ARFGEF2: variants seen among roughly 807,000 people sequenced by gnomAD.
The protein encoded by ARFGEF2 is brefeldin A-inhibited guanine nucleotide-exchange protein 2.
Under a neutral mutation model 219.9 loss-of-function variants are expected in ARFGEF2, and 74 were observed. The ratio of observed to expected loss-of-function variants is 0.34; its 90% confidence interval spans 0.28 to 0.41. ARFGEF2 has a LOEUF of 0.41. ARFGEF2 is among the 10% of genes least tolerant of loss of function. The probability of loss-of-function intolerance (pLI) is 1.00; values close to 1 mark genes in which losing one functional copy is unlikely to be tolerated. For synonymous variants in ARFGEF2, 733 were observed against 799.2 expected, an observed-to-expected ratio of 0.92 and a Z score of 1.40; for missense variants, 1,743 against 2,218.3, an observed-to-expected ratio of 0.79 and a Z score of 4.30.
At chr20:48,957,218 C>A (rs1431008389) in intron 6 of ARFGEF2, among the ~76,000 whole-genome samples, 2 of 152,170 alleles carry the variant, frequency 1.3e-5, no homozygotes, top group African/African-American at 2.4e-5. Flanking sequence ...GAGCTTGTTG[C>A]CAACCCTGAT....
chr20:49,005,317 C>T (rs762573160), intron 26 of ARFGEF2, 96 bp downstream of exon 26: 32 of 1,467,636 alleles, frequency 2.2e-5, no homozygotes, highest in Non-Finnish European at 2.6e-5. Context: ...TTTTTTCCTC[C>T]CTTGTCAGTG....
chr20:48,939,062 C>T (rs1314813849), intron 1 of ARFGEF2, among the ~76,000 whole-genome samples: 1 of 150,424 alleles, frequency 6.6e-6, no homozygotes, highest in Non-Finnish European at 1.5e-5. Flanking sequence ...GCAATTACTG[C>T]TTCCCGGGTT....
chr20:48,995,379 C>A (rs762576036), intron 22 of ARFGEF2, among the ~76,000 whole-genome samples: 1 of 152,132 alleles, frequency 6.6e-6, no homozygotes, highest in Non-Finnish European at 1.5e-5. Context: ...ATAGCACCCA[C>A]TTCTTAGGGT....
rs150866545 is a variant in ARFGEF2 at position 48,926,151 on chromosome 20, A to G, written c.121+4141A>G. ...GTATAAACACAGGCAATCTGGCTCCATAGTCCAAGATCTTAACTATTACTA... is the reference window on the plus strand; with the variant it reads ...GTATAAACACAGGCAATCTGGCTCCGTAGTCCAAGATCTTAACTATTACTA... On this transcript the variant is annotated intron_variant, in intron 1 of 38. Coordinates refer to ENST00000371917, the MANE Select transcript of ARFGEF2 (RefSeq NM_006420.3). 1.9e-3 allele frequency among the ~76,000 whole-genome samples: 288 copies of G among 152,334 alleles called. 1 individual carries two copies. The highest frequency in any genetic ancestry group is 6.6e-3 in the African/African-American group (275 of 41,578).
At chr20:48,999,615 C>T (rs976853724) in intron 25 of ARFGEF2, among the ~76,000 whole-genome samples, 4 of 151,742 alleles carry the variant, frequency 2.6e-5, no homozygotes, top group South Asian at 2.1e-4. Flanking sequence ...GGCGTGGTGG[C>T]GAGCGCCTGT....
At chr20:48,965,751 A>T in intron 7 of ARFGEF2, 121 bp from the exon 8 acceptor site, 3 of 1,191,080 alleles carry the variant, frequency 2.5e-6, no homozygotes, top group Non-Finnish European at 3.7e-6. Flanking sequence ...GGCTGGTGGC[A>T]CAGGAAAAGG....
chr20:48,941,057 T>A, intron 1 of ARFGEF2, 142 bp from the exon 2 acceptor site: 1 of 748,452 alleles, frequency 1.3e-6, no homozygotes, highest in South Asian at 1.6e-5. Context: ...TTACAATTAT[T>A]TCTTTCACTT....
chr20:48,989,385 A>C lies in ARFGEF2; in HGVS notation c.2634A>C (p.Lys878Asn), dbSNP rs1355324857. Residue 878 changes from lysine to asparagine, a missense_variant, in exon 19 of 39, where the codon AAA (lysine) becomes AAC (asparagine). Around this residue, in one of 5 missense-constraint regions of ARFGEF2, gnomAD observed 666 missense variants for 955.4 expected, o/e 0.70. Coordinates refer to ENST00000371917, the MANE Select transcript of ARFGEF2 (RefSeq NM_006420.3). ...TGATGGAGGCTGTGAGCCATGCCAAAGCCCCGTTTACCAGTGCCACTCACC... is the reference window on the plus strand; with the variant it reads ...TGATGGAGGCTGTGAGCCATGCCAACGCCCCGTTTACCAGTGCCACTCACC... Reference protein sequence around the residue: ...KALMEAVSHAKAPFTSATHLD... With the variant: ...KALMEAVSHANAPFTSATHLD... 1 of 1,614,220 alleles carries C rather than the reference A, an allele frequency of 6.2e-7. No homozygotes were observed. Among genetic ancestry groups the C allele is most frequent in the Admixed American group, 1.7e-5 (1 of 60,030 alleles).
In ARFGEF2 at chr20:48,996,036, T is replaced by C. The variant is rs946748253; in HGVS notation, c.3221+154T>C. On this transcript the variant is annotated intron_variant, in intron 23 of 38. Transcript: ENST00000371917. The stretch of plus-strand genomic sequence containing the variant: ...TGTCACATTTATTTGCATTTTGACC[T>C]TTTAGAAAAGGTATAACTTTAACAT... Among the ~76,000 whole-genome samples the C allele has an allele frequency of 2.6e-5, 4 of 152,356 alleles. No homozygotes were observed. In the South Asian group the frequency reaches 8.3e-4, roughly 32 times the overall value.
At position 49,013,455 on chromosome 20, in the gene ARFGEF2, G is replaced by T. The variant is rs532815281; in HGVS notation, c.3919-109G>T. The T allele has an allele frequency of 3.9e-4, 551 of 1,426,446 alleles. 6 individuals are homozygous for T. In the South Asian group the frequency reaches 5.9e-3, roughly 15 times the overall value. 88.4% of individuals were successfully genotyped at this position (1,426,446 alleles called of 1,614,324 possible). On this transcript the variant is annotated intron_variant, in intron 28 of 38. Coordinates refer to ENST00000371917, the MANE Select transcript of ARFGEF2 (RefSeq NM_006420.3). Reference sequence around the variant, plus strand: ...TCCCACTGTACCCTTGCTGAATGGAGATTTTTGGGAGAGAAAAATGTGTGG... The same window carrying T: ...TCCCACTGTACCCTTGCTGAATGGATATTTTTGGGAGAGAAAAATGTGTGG...
chr20:48,979,496 A>C (rs1295612502), intron 14 of ARFGEF2, among the ~76,000 whole-genome samples: 1 of 152,188 alleles, frequency 6.6e-6, no homozygotes, highest in East Asian at 1.9e-4. Flanking sequence ...TCATAAAATG[A>C]GTTAGGGAGG....
At chr20:48,980,916 G>A (rs966821897) in intron 14 of ARFGEF2, among the ~76,000 whole-genome samples, 2 of 151,646 alleles carry the variant, frequency 1.3e-5, no homozygotes, top group African/African-American at 4.8e-5. Context: ...AGCACACTGA[G>A]GTCTTGACTC....
rs760639976 is a variant in ARFGEF2, at chr20:49,010,255, C to T, written c.3608C>T (p.Ala1203Val). The change falls in exon 27 of 39, where the codon GCG becomes GTG. Residue 1203 changes from alanine to valine, a missense_variant. Ala to Val is a moderately conservative substitution (Grantham distance 64, BLOSUM62 0). Around this residue, in one of 5 missense-constraint regions of ARFGEF2, gnomAD observed 102 missense variants for 146.8 expected, o/e 0.69. Coordinates refer to ENST00000371917, the MANE Select transcript of ARFGEF2 (RefSeq NM_006420.3). ...KNRSPTIRDMAIRCIAQMVNS... is the reference protein window; with the variant it reads ...KNRSPTIRDMVIRCIAQMVNS... The stretch of plus-strand genomic sequence containing the variant: ...AGGTCTCCCACCATCCGGGACATGG[C>T]GATCCGCTGCATTGCCCAGATGGTG... 1.4e-5 allele frequency: 23 copies of T among 1,614,068 alleles called. No homozygotes were observed. The East Asian group carries it at 1.6e-4, about 11-fold the overall frequency.
In ARFGEF2 at chr20:49,023,061, G is replaced by A; in HGVS notation, c.4635G>A (p.Leu1545=). 1 of 1,614,216 alleles carries A rather than the reference G, an allele frequency of 6.2e-7. No homozygotes were observed. The highest frequency in any genetic ancestry group is 8.5e-7 in the Non-Finnish European group (1 of 1,180,028). Residue 1545 remains leucine (L), a synonymous_variant, in exon 35 of 39, where the codon CTG becomes CTA. Coordinates refer to ENST00000371917, the MANE Select transcript of ARFGEF2 (RefSeq NM_006420.3). ...TATCATCTAACATAGATCAGAAACTGTTTGCCAGCCTCCTCATCAAGTGTG... is the reference window on the plus strand; with the variant it reads ...TATCATCTAACATAGATCAGAAACTATTTGCCAGCCTCCTCATCAAGTGTG... ...WKGRPYANQK[L]FASLLIKCVV... is the part of the protein sequence containing the mutation.
At chr20:48,943,464 G>A (rs943358768) in intron 3 of ARFGEF2, among the ~76,000 whole-genome samples, 9 of 152,302 alleles carry the variant, frequency 5.9e-5, no homozygotes, top group East Asian at 1.9e-4. Context: ...CAGGTAGTAC[G>A]AGAAACAGGA....
chr20:49,005,585 A>G (rs1600537632), intron 26 of ARFGEF2, among the ~76,000 whole-genome samples: 2 of 151,836 alleles, frequency 1.3e-5, no homozygotes. Flanking sequence ...AAAAATACAA[A>G]AAATTAGCCG....
chr20:49,024,346 C>T (rs1404921406), intron 35 of ARFGEF2, among the ~76,000 whole-genome samples: 4 of 152,170 alleles, frequency 2.6e-5, no homozygotes, highest in Non-Finnish European at 4.4e-5. Flanking sequence ...CCATGGGTTA[C>T]AAATGTCAGT....
chr20:48,924,279 G>A (rs559708943), intron 1 of ARFGEF2, among the ~76,000 whole-genome samples: 1 of 152,284 alleles, frequency 6.6e-6, no homozygotes, highest in South Asian at 2.1e-4. Flanking sequence ...GGAGGCTGAG[G>A]CAGGCAGATC....
At chr20:48,932,495 C>G (rs111608395) in intron 1 of ARFGEF2, among the ~76,000 whole-genome samples, 1 of 152,134 alleles carries the variant, frequency 6.6e-6, no homozygotes, top group Non-Finnish European at 1.5e-5. Flanking sequence ...TGTCAGAGGT[C>G]TGCTTAGGCG....
Sources: allele counts gnomAD v4.1 joint callset (sites outside exome capture counted in the v4.1 genomes callset), GRCh38; gene constraint gnomAD v4.1.1; regional missense constraint gnomAD v4.1.1; transcripts MANE v1.5; gene names NCBI Gene and HGNC (gene_info 2026-07-23, HGNC 2026-07-21).